The following VPS52 variants were observed in gnomAD, a reference collection of about 807,000 sequenced individuals.
VPS52 encodes VPS52 subunit of GARP complex, also known as vacuolar protein sorting-associated protein 52 homolog.
VPS52 carries 56 observed loss-of-function variants against 98.7 expected under a neutral mutation model. The observed-to-expected ratio is 0.57, with a 90% CI of 0.46 to 0.71. VPS52 has a LOEUF of 0.71. Among genes scored for constraint, VPS52 ranks in the 30% least tolerant of loss-of-function variants. The pLI is 0.00. For missense variants in VPS52, 742 were observed against 925.9 expected (o/e 0.80, Z 2.58); for synonymous variants, 348 against 346.4 (o/e 1.00, Z -0.05).
chr6:33,251,036 A>G, intron 19 of VPS52, 49 bp from the exon 20 acceptor site: 1 of 1,612,290 alleles, frequency 6.2e-7, no homozygotes, highest in South Asian at 1.1e-5. Flanking sequence ...TGGTGCTAAT[A>G]GTGATGATTA....
chr6:33,267,592 GA>G lies in VPS52; in HGVS notation c.991+89del. ...ATTCTAAAAGGTTTCAGTCCCATAG[GA>G]AAAGGTAAGGAGCAGTGCATTGGTG... On this transcript the variant is annotated intron_variant, in intron 10 of 19. Coordinates refer to ENST00000445902, the MANE Select transcript of VPS52 (RefSeq NM_022553.6). This position sits in a 1 kb window ranked among gnomAD's most constrained non-coding sequence, Gnocchi z 4.2. 2 of 1,476,628 alleles carry G rather than the reference GA, an allele frequency of 1.4e-6. No individual in the cohort carries two copies. The highest frequency in any genetic ancestry group is 9.3e-7 in the Non-Finnish European group (1 of 1,073,114). 91.5% of individuals were successfully genotyped at this position (1,476,628 alleles called of 1,614,324 possible).
chr6:33,263,619 T>C (rs1454602927), intron 16 of VPS52, 70 bp from the exon 17 acceptor site: 1 of 1,600,106 alleles, frequency 6.2e-7, no homozygotes, highest in African/African-American at 1.3e-5. Context: ...TCCCCTTCAT[T>C]CCACACTTAT....
Position 33,268,894 on chromosome 6 carries a change from GCTA to G in VPS52, c.548+117_548+119del. 7.4e-7 allele frequency: 1 copy of G among 1,343,866 alleles called. No homozygotes were observed. The highest frequency in any genetic ancestry group is 1.0e-6 in the Non-Finnish European group (1 of 983,416). The allele number at this position is 1,343,866 out of a possible 1,614,324, so 83.2% of individuals were successfully genotyped here. ...ACCTAAAGAAATGGTGGTTAACCTG[GCTA>G]CTAATTTCTAAAAAGCACTTAACCT... On this transcript the variant is annotated intron_variant, in intron 6 of 19. Coordinates refer to ENST00000445902, the MANE Select transcript of VPS52 (RefSeq NM_022553.6). The surrounding 1 kb of genome is among the most constrained non-coding windows in gnomAD (Gnocchi z 4.0).
At chr6:33,256,249 A>G (rs978771080) in intron 17 of VPS52, among the ~76,000 whole-genome samples, 2 of 151,982 alleles carry the variant, frequency 1.3e-5, no homozygotes, top group Non-Finnish European at 2.9e-5. Flanking sequence ...TCACATCTGT[A>G]ATCCCAGTTT....
chr6:33,262,040 CAAAAAAAAAAAAAAAA>C (rs9257102), intron 17 of VPS52, among the ~76,000 whole-genome samples: 1 of 15,362 alleles, frequency 6.5e-5, no homozygotes, highest in Non-Finnish European at 1.2e-4. Context: ...AACTCCATCT[CAAAAAAAAAAAAAAAA>C]AAAAAAAAAG....
Position 33,267,060 on chromosome 6 carries a change from G to C in VPS52, c.1125+128C>G. ...ACAGCAGGCTGGAGTGATTGGAGAA[G>C]GCCACTCCCAAGTCTAAGGGGATTA... On this transcript the variant is annotated intron_variant, in intron 11 of 19. Transcript: ENST00000445902. This position sits in a 1 kb window ranked among gnomAD's most constrained non-coding sequence, Gnocchi z 4.2. 2.3e-6 allele frequency: 3 copies of C among 1,309,886 alleles called. No homozygotes were observed. The highest frequency in any genetic ancestry group is 3.0e-6 in the Non-Finnish European group (3 of 988,836). The allele number at this position is 1,309,886 out of a possible 1,614,324, so 81.1% of individuals were successfully genotyped here. A position where few individuals can be genotyped will look rare whatever the true frequency, so the allele number is the denominator to read the frequency against.
chr6:33,263,025 T>G (rs1377338670), intron 17 of VPS52, among the ~76,000 whole-genome samples: 3 of 152,108 alleles, frequency 2.0e-5, no homozygotes, highest in African/African-American at 7.2e-5. Context: ...TTAAAATAAC[T>G]TAGTGTAATC....
At chr6:33,270,950 C>CAAAAAAA (rs9280391) in intron 1 of VPS52, among the ~76,000 whole-genome samples, 2 of 84,678 alleles carry the variant, frequency 2.4e-5, no homozygotes, top group African/African-American at 5.7e-5. Context: ...GACTCCGTCT[C>CAAAAAAA]AAAAAAAAAA....
chr6:33,269,453 G>C, intron 5 of VPS52, 37 bp downstream of exon 5: 3 of 1,611,968 alleles, frequency 1.9e-6, no homozygotes, highest in Non-Finnish European at 2.5e-6. Context: ...ATCTGGTTCA[G>C]AGTAGCTATT....
At position 33,266,575 on chromosome 6, in the gene VPS52, A is replaced by C. The variant is rs1764336888; in HGVS notation, c.1263T>G (p.Arg421=). 6.2e-7 allele frequency: 1 copy of C among 1,609,802 alleles called. No individual in the cohort carries two copies. Among genetic ancestry groups the C allele is most frequent in the Non-Finnish European group, 8.5e-7 (1 of 1,178,220 alleles). Reference sequence around the variant, plus strand: ...GTCTTACCAGGGTCATGCTGAGTGTACGGCCCATGACAGCATGGAACAGGT... The same window carrying C: ...GTCTTACCAGGGTCATGCTGAGTGTCCGGCCCATGACAGCATGGAACAGGT... ...AHDLFHAVMG[R]TLSMTLKHLD... Residue 421 remains arginine, a synonymous_variant, in exon 12 of 20, where the codon CGT becomes CGG. Transcript: ENST00000445902.
At chr6:33,265,764 G>C (rs1764230195) in intron 12 of VPS52, among the ~76,000 whole-genome samples, 1 of 152,274 alleles carries the variant, frequency 6.6e-6, no homozygotes, top group East Asian at 1.9e-4. Context: ...GGGACCCTCA[G>C]TTTTCACGTG....
intron 1 of VPS52, chr6:33,271,065 C>T: frequency 3.9e-6 from 1 of 256,072 alleles, no homozygotes; most frequent in Non-Finnish European, 7.6e-6. Context: ...AGACTCCTGC[C>T]ATCTTGGGTG....
Position 33,264,097 on chromosome 6 carries a change from G to C in VPS52, c.1531C>G (p.Arg511Gly). Residue 511 changes from arginine (R) to glycine (G), a missense_variant, in exon 15 of 20, where the codon CGC becomes GGC. By Grantham distance (125) the Arg-to-Gly change is moderately radical. Around this residue, in one of 2 missense-constraint regions of VPS52, gnomAD observed 590 missense variants for 793.3 expected, o/e 0.74. Coordinates refer to ENST00000445902, the MANE Select transcript of VPS52 (RefSeq NM_022553.6). ...GCGGAGGAGAACTCTGCATAGCGGC[G>C]TGTGATCTAGGAGAGAGTGGGAAGG... is the stretch of plus-strand genomic sequence containing the variant. ...GLDTRPHYIT[R>G]RYAEFSSALV... 1 of 1,614,022 alleles carries C rather than the reference G, an allele frequency of 6.2e-7. No homozygotes were observed. Among genetic ancestry groups the C allele is most frequent in the Non-Finnish European group, 8.5e-7 (1 of 1,179,998 alleles).
At chr6:33,271,123 C>T (rs1337326148) in intron 1 of VPS52, 1 of 419,004 alleles carries the variant, frequency 2.4e-6, no homozygotes, top group Non-Finnish European at 4.3e-6. Flanking sequence ...AATGTCAAAA[C>T]ACATAGTGTT....
At chr6:33,253,747 C>G (rs528771542) in intron 17 of VPS52, among the ~76,000 whole-genome samples, 1 of 150,890 alleles carries the variant, frequency 6.6e-6, no homozygotes, top group African/African-American at 2.4e-5. Context: ...CAGCAAGGCC[C>G]TATCTCAAAA....
intron 17 of VPS52, chr6:33,255,046 G>C (rs1279996767): frequency 1.3e-5 from 2 of 152,052 alleles, no homozygotes; most frequent in Non-Finnish European, 2.9e-5. Flanking sequence ...TATTTCATCT[G>C]TTTCTCCTTA....
chr6:33,264,149 C>A (rs752994849), intron 14 of VPS52, 46 bp from the exon 15 acceptor site: 2 of 1,604,326 alleles, frequency 1.2e-6, no homozygotes, highest in South Asian at 2.2e-5. Context: ...CCTGGCCCAA[C>A]CAACACAACC....
At chr6:33,263,927 G>C in intron 15 of VPS52, 48 bp from the exon 16 acceptor site, 1 of 1,613,610 alleles carries the variant, frequency 6.2e-7, no homozygotes, top group Non-Finnish European at 8.5e-7. Context: ...AAGGTCATCT[G>C]GGCCCCATCT....
intron 14 of VPS52, 89 bp downstream of exon 14, chr6:33,264,285 A>C: frequency 6.3e-7 from 1 of 1,583,078 alleles, no homozygotes; most frequent in Non-Finnish European, 8.6e-7. Flanking sequence ...AGCGTGGCCC[A>C]TGACACAACT....
Sources: gnomAD v4.1 joint callset for allele counts (sites outside exome capture counted in the v4.1 genomes callset) on GRCh38, gnomAD v4.1.1 for gene constraint, gnomAD v4.1.1 regional missense constraint, Gnocchi (gnomAD v3.1) non-coding constraint, MANE v1.5 for transcripts, NCBI Gene and HGNC (gene_info 2026-07-23, HGNC 2026-07-21) for gene names.